Variants in NRXN1 observed in about 807,000 individuals in gnomAD.
The protein encoded by NRXN1 is neurexin 1.
A neutral mutation model predicts 150.9 loss-of-function variants in NRXN1; 39 were observed. The ratio of observed to expected loss-of-function variants is 0.26; its 90% CI spans 0.20 to 0.34. NRXN1 has a LOEUF of 0.34. Ranked by LOEUF, NRXN1 falls within the 10% of genes least tolerant of loss-of-function variation. The pLI, the probability that NRXN1 is intolerant of heterozygous loss-of-function variation, is 1.00. For missense variants in NRXN1, 1,815 were observed against 1,949.9 expected, an observed-to-expected ratio of 0.93 and a Z score of 1.30; for synonymous variants, 924 against 757.0, an observed-to-expected ratio of 1.22 and a Z score of -3.62.
chr2:50,379,116 A>G (rs2080746817), intron 17 of NRXN1, among the ~76,000 whole-genome samples: 1 of 151,906 alleles, frequency 6.6e-6, no homozygotes, highest in Non-Finnish European at 1.5e-5. Flanking sequence ...AGGGATAGAA[A>G]GAAAAAAAAA....
intron 18 of NRXN1, among the ~76,000 whole-genome samples, chr2:50,125,494 T>C (rs897826883): frequency 2.0e-5 from 3 of 152,090 alleles, no homozygotes; most frequent in Non-Finnish European, 4.4e-5. Flanking sequence ...AACCTAGCTA[T>C]TTCTTTTTCA....
intron 5 of NRXN1, among the ~76,000 whole-genome samples, chr2:50,752,912 C>T (rs752355519): frequency 1.3e-4 from 19 of 151,900 alleles, no homozygotes; most frequent in Non-Finnish European, 2.2e-4. Flanking sequence ...AAGCTGCCCC[C>T]AAATTAAGCA....
rs554465931 is a variant in NRXN1, at chr2:50,151,014, G to A, written c.3547-59520C>T. ...AAAAAACTCAGATTTGTTTCCCACA[G>A]GGGCTAAAGATTTATGCAATAAAAC... is the stretch of plus-strand genomic sequence containing the variant. On this transcript the variant is annotated intron_variant, in intron 18 of 22. Transcript: ENST00000401669. Among the ~76,000 whole-genome samples, 6 of 151,810 alleles carry A rather than the reference G, an allele frequency of 4.0e-5. 1 individual carries two copies. Among genetic ancestry groups the A allele is most frequent in the African/African-American group, 1.4e-4 (6 of 41,462 alleles).
At chr2:50,341,134 G>T (rs2077521427) in intron 17 of NRXN1, among the ~76,000 whole-genome samples, 1 of 152,146 alleles carries the variant, frequency 6.6e-6, no homozygotes, top group Admixed American at 6.5e-5. Context: ...TATGGGTCCT[G>T]CCTCCATCTC....
intron 8 of NRXN1, among the ~76,000 whole-genome samples, chr2:50,610,452 G>A (rs1375677008): frequency 6.6e-6 from 1 of 150,816 alleles, no homozygotes; most frequent in Non-Finnish European, 1.5e-5. Flanking sequence ...TATTACTAAT[G>A]TCCTCTGCAA....
At chr2:50,990,378 A>G (rs960643717) in intron 2 of NRXN1, among the ~76,000 whole-genome samples, 8 of 152,102 alleles carry the variant, frequency 5.3e-5, no homozygotes, top group African/African-American at 1.9e-4. Flanking sequence ...TCAATGAAAT[A>G]TTATGGTCAT....
intron 17 of NRXN1, among the ~76,000 whole-genome samples, chr2:50,263,857 A>G (rs917614874): frequency 2.0e-5 from 3 of 152,120 alleles, no homozygotes; most frequent in Non-Finnish European, 2.9e-5. Flanking sequence ...TTGATTGGCT[A>G]TTTGGCTTGG....
rs2082871544 is a variant in NRXN1 at position 50,407,942 on chromosome 2, C to T, written c.3364+57500G>A. Among the ~76,000 whole-genome samples, 4 of 152,296 alleles carry T rather than the reference C, an allele frequency of 2.6e-5. No individual in the cohort carries two copies. The South Asian group carries it at 6.2e-4, about 24-fold the overall frequency. On this transcript the variant is annotated intron_variant, in intron 17 of 22. Transcript: ENST00000401669. ...TGGCTTGGGCTTCATCGTCTTCTCA[C>T]TCATACTATTTTAACATCTGTTGTA...
At chr2:50,803,983 T>C (rs1395321608) in intron 5 of NRXN1, among the ~76,000 whole-genome samples, 1 of 152,154 alleles carries the variant, frequency 6.6e-6, no homozygotes, top group African/African-American at 2.4e-5. Flanking sequence ...TCCTTCAAAT[T>C]CTCTCTGGGT....
chr2:50,944,264 A>G (rs569723791), intron 2 of NRXN1, among the ~76,000 whole-genome samples: 13 of 152,316 alleles, frequency 8.5e-5, no homozygotes, highest in African/African-American at 3.1e-4. Context: ...TACACAAATT[A>G]TAAAGAATGG....
intron 5 of NRXN1, among the ~76,000 whole-genome samples, chr2:50,795,101 G>A (rs140292268): frequency 7.9e-5 from 12 of 152,128 alleles, no homozygotes; most frequent in Non-Finnish European, 1.8e-4. Flanking sequence ...AGGAGATCAT[G>A]GAGCTAATCT....
chr2:50,273,357 A>T (rs1488679108), intron 17 of NRXN1, among the ~76,000 whole-genome samples: 1 of 152,176 alleles, frequency 6.6e-6, no homozygotes, highest in East Asian at 1.9e-4. Context: ...TTAGTTCTCA[A>T]ATGAGTTAAA....
chr2:50,249,238 A>T (rs1355778570), intron 17 of NRXN1, among the ~76,000 whole-genome samples: 1 of 151,930 alleles, frequency 6.6e-6, no homozygotes, highest in Non-Finnish European at 1.5e-5. Flanking sequence ...ATTATAGAGG[A>T]AGGACTCATA....
At chr2:50,506,921 G>A in intron 12 of NRXN1, 2 of 268,128 alleles carry the variant, frequency 7.5e-6, no homozygotes, top group Non-Finnish European at 1.4e-5. Context: ...TTAACCTGCT[G>A]TCATAAATAG....
intron 17 of NRXN1, among the ~76,000 whole-genome samples, chr2:50,284,353 C>A (rs2071838979): frequency 6.6e-6 from 1 of 152,156 alleles, no homozygotes; most frequent in African/African-American, 2.4e-5. Flanking sequence ...AATGACAGTC[C>A]AAATGATGTT....
chr2:50,807,644 A>G (rs928251623), intron 5 of NRXN1, among the ~76,000 whole-genome samples: 2 of 152,144 alleles, frequency 1.3e-5, no homozygotes, highest in Non-Finnish European at 2.9e-5. Flanking sequence ...GAGCTCTTCA[A>G]GGTTCTGAAC....
At chr2:50,442,403 T>C (rs2086034760) in intron 17 of NRXN1, among the ~76,000 whole-genome samples, 2 of 152,194 alleles carry the variant, frequency 1.3e-5, no homozygotes, top group African/African-American at 4.8e-5. Context: ...TGTAACTTTT[T>C]AATTAAGTGC....
intron 5 of NRXN1, among the ~76,000 whole-genome samples, chr2:50,864,923 C>A (rs2882928): frequency 6.6e-6 from 1 of 151,964 alleles, no homozygotes; most frequent in African/African-American, 2.4e-5. Context: ...CTAACAAGTT[C>A]TCAGGGAAGG....
chr2:49,929,970 A>C (rs1669837609), intron 22 of NRXN1, among the ~76,000 whole-genome samples: 1 of 152,224 alleles, frequency 6.6e-6, no homozygotes, highest in Non-Finnish European at 1.5e-5. Flanking sequence ...GAGTAGGACA[A>C]AGGTTTCTGA....
Sources: gnomAD v4.1 joint callset for allele counts (sites outside exome capture counted in the v4.1 genomes callset) on GRCh38, gnomAD v4.1.1 for gene constraint, MANE v1.5 for transcripts, NCBI Gene and HGNC (gene_info 2026-07-23, HGNC 2026-07-21) for gene names.